IFT43: variants seen among roughly 807,000 people sequenced by gnomAD.
IFT43 encodes intraflagellar transport 43, also known as intraflagellar transport protein 43 homolog.
IFT43 carries 33 observed loss-of-function variants against 32.3 expected under a neutral mutation model. That is an observed-to-expected ratio of 1.02 (90% CI 0.77 to 1.37). IFT43 has a LOEUF of 1.37. IFT43 is among the 40% of genes most tolerant of loss of function. The pLI is 0.00. For missense variants in IFT43, 274 were observed against 265.9 expected, an observed-to-expected ratio of 1.03 and a Z score of -0.21; for synonymous variants, 93 against 98.2, an observed-to-expected ratio of 0.95 and a Z score of 0.31.
At chr14:76,064,335 G>A (rs1460763470) in intron 5 of IFT43, among the ~76,000 whole-genome samples, 1 of 152,164 alleles carries the variant, frequency 6.6e-6, no homozygotes, top group Non-Finnish European at 1.5e-5. Context: ...GTGGCTGCTG[G>A]TCACACTTGC....
At chr14:75,989,504 C>T (rs1483121570) in intron 2 of IFT43, among the ~76,000 whole-genome samples, 1 of 152,048 alleles carries the variant, frequency 6.6e-6, no homozygotes, top group Non-Finnish European at 1.5e-5. Flanking sequence ...CTTTTTACTG[C>T]CAGGGCACTA....
chr14:76,005,995 A>G (rs2035973717), intron 2 of IFT43, among the ~76,000 whole-genome samples: 1 of 152,150 alleles, frequency 6.6e-6, no homozygotes, highest in Non-Finnish European at 1.5e-5. Context: ...TTGGTGAGAA[A>G]AGAATGAGAG....
intron 3 of IFT43, among the ~76,000 whole-genome samples, chr14:76,026,404 C>T (rs191175983): frequency 3.4e-4 from 51 of 151,902 alleles, no homozygotes; most frequent in African/African-American, 1.1e-3. Context: ...ACTAAAAATA[C>T]GAAATTAGTG....
intron 2 of IFT43, among the ~76,000 whole-genome samples, chr14:76,007,606 G>A (rs58970363): frequency 0.014 from 2,060 of 152,276 alleles, 52 homozygotes; most frequent in African/African-American, 0.043. Context: ...GCTTCTTAGA[G>A]TGTTGGGAAT....
intron 3 of IFT43, among the ~76,000 whole-genome samples, chr14:76,023,347 A>T (rs980050873): frequency 6.6e-6 from 1 of 152,204 alleles, no homozygotes; most frequent in Non-Finnish European, 1.5e-5. Flanking sequence ...GGGGCGGCAG[A>T]GTGTGGTGAC....
In IFT43 at chr14:76,082,381, G is replaced by C. The variant is rs776631310; in HGVS notation, c.368+14G>C. On this transcript the variant is annotated intron_variant, in intron 6 of 8. Coordinates refer to ENST00000314067, the MANE Select transcript of IFT43 (RefSeq NM_001102564.3). ...AGCCCCTCCCAGGTAGGTTAAATCA[G>C]ATATGATTGGGGAGGCAAAGAACAC... 7 of 1,514,102 alleles carry C rather than the reference G, an allele frequency of 4.6e-6. No individual in the cohort carries two copies. The highest frequency in any genetic ancestry group is 3.3e-5 in the Admixed American group (2 of 59,880). The allele number at this position is 1,514,102 out of a possible 1,614,324, so 93.8% of individuals were successfully genotyped here.
At chr14:76,022,207 C>A in intron 2 of IFT43, 120 bp from the exon 3 acceptor site, 1 of 822,984 alleles carries the variant, frequency 1.2e-6, no homozygotes. Context: ...GCTGAGGTCG[C>A]ACCACTGCAC....
At chr14:76,050,080 G>C (rs774101612) in intron 3 of IFT43, among the ~76,000 whole-genome samples, 1 of 152,172 alleles carries the variant, frequency 6.6e-6, no homozygotes, top group African/African-American at 2.4e-5. Flanking sequence ...CTCTGTTCGA[G>C]TGGTTTCCCT....
At chr14:76,007,817 C>T (rs750884228) in intron 2 of IFT43, among the ~76,000 whole-genome samples, 4 of 151,942 alleles carry the variant, frequency 2.6e-5, no homozygotes, top group Non-Finnish European at 5.9e-5. Context: ...GGTATATAGA[C>T]CCAAGAAGAG....
At chr14:76,038,549 G>A (rs539983958) in intron 3 of IFT43, among the ~76,000 whole-genome samples, 1 of 152,212 alleles carries the variant, frequency 6.6e-6, no homozygotes, top group African/African-American at 2.4e-5. Context: ...AGATGATAGA[G>A]GAAGAGCTAG....
chr14:76,020,372 A>C (rs541448241), intron 2 of IFT43, among the ~76,000 whole-genome samples: 3 of 152,010 alleles, frequency 2.0e-5, no homozygotes, highest in African/African-American at 7.2e-5. Context: ...TTGTCTTTTC[A>C]TTGGGATCTG....
At chr14:76,051,512 C>T (rs974654732) in intron 3 of IFT43, among the ~76,000 whole-genome samples, 2 of 152,038 alleles carry the variant, frequency 1.3e-5, no homozygotes, top group Admixed American at 1.3e-4. Flanking sequence ...TGCAAAGGCT[C>T]ATTTGGCGCT....
chr14:76,050,517 T>G (rs904381895), intron 3 of IFT43, among the ~76,000 whole-genome samples: 1 of 152,132 alleles, frequency 6.6e-6, no homozygotes, highest in South Asian at 2.1e-4. Context: ...AGATGAGGTC[T>G]CGCTGTGTTG....
intron 2 of IFT43, among the ~76,000 whole-genome samples, chr14:76,004,525 T>G (rs1412141286): frequency 6.6e-6 from 1 of 152,176 alleles, no homozygotes; most frequent in Non-Finnish European, 1.5e-5. Context: ...TTTTTTCTGT[T>G]TAGGATTTGC....
At chr14:75,991,370 T>C (rs553945842) in intron 2 of IFT43, among the ~76,000 whole-genome samples, 2 of 145,992 alleles carry the variant, frequency 1.4e-5, no homozygotes, top group Non-Finnish European at 3.0e-5. Flanking sequence ...TATATATATA[T>C]ATATAAATAT....
intron 3 of IFT43, among the ~76,000 whole-genome samples, chr14:76,032,611 C>A (rs1839068073): frequency 6.6e-6 from 1 of 152,208 alleles, no homozygotes; most frequent in Non-Finnish European, 1.5e-5. Flanking sequence ...GACACACTCT[C>A]TTATTTACAT....
At chr14:76,007,306 G>A (rs1013344438) in intron 2 of IFT43, among the ~76,000 whole-genome samples, 13 of 152,192 alleles carry the variant, frequency 8.5e-5, no homozygotes, top group African/African-American at 3.1e-4. Flanking sequence ...AACCTGCAGT[G>A]TCCCTGGTCT....
At chr14:76,028,141 G>A (rs1263588033) in intron 3 of IFT43, among the ~76,000 whole-genome samples, 1 of 152,004 alleles carries the variant, frequency 6.6e-6, no homozygotes, top group African/African-American at 2.4e-5. Context: ...CCCTTGGTTG[G>A]CATTACAAAG....
rs1316472021 is a variant in IFT43 at position 76,082,711 on chromosome 14, G to A, written c.444+19G>A. On this transcript the variant is annotated intron_variant, in intron 7 of 8. Coordinates refer to ENST00000314067, the MANE Select transcript of IFT43 (RefSeq NM_001102564.3). ...GACACTGGTGAGTGGAACAGCTTCT[G>A]CATAGAGAGGCGGGCTCCAAGCAAT... The A allele has an allele frequency of 6.5e-7, 1 of 1,530,650 alleles. No homozygotes were observed. The highest frequency in any genetic ancestry group is 1.1e-5 in the South Asian group (1 of 89,440). The allele number at this position is 1,530,650 out of a possible 1,614,324, so 94.8% of individuals were successfully genotyped here.
Sources: allele counts gnomAD v4.1 joint callset (sites outside exome capture counted in the v4.1 genomes callset), GRCh38; gene constraint gnomAD v4.1.1; transcripts MANE v1.5; gene names NCBI Gene and HGNC (gene_info 2026-07-23, HGNC 2026-07-21).